Variants in COPG2 observed in about 807,000 individuals in gnomAD.
COPG2 encodes coat protein complex I subunit gamma 2.
In COPG2, 37 loss-of-function variants were observed where a neutral mutation model predicts 46.3. The observed-to-expected ratio is 0.80, with a 90% CI of 0.61 to 1.05. The LOEUF is 1.05. Among genes scored for constraint, COPG2 ranks in the 50% least tolerant of loss-of-function variants. The probability of loss-of-function intolerance (pLI) is 0.00; values close to 1 mark genes in which losing one functional copy is unlikely to be tolerated. For missense variants in COPG2, 427 were observed against 387.8 expected, an observed-to-expected ratio of 1.10 and a Z score of -0.85; for synonymous variants, 159 against 129.7, an observed-to-expected ratio of 1.23 and a Z score of -1.53.
At chr7:130,612,278 G>T in intron 7 of COPG2, 40 bp from the exon 8 acceptor site, 1 of 1,261,930 alleles carries the variant, frequency 7.9e-7, no homozygotes, top group South Asian at 1.5e-5. Context: ...AATAATGCTT[G>T]GTCACTAGAA....
At chr7:130,543,445 T>G (rs955929643) in intron 20 of COPG2, among the ~76,000 whole-genome samples, 2 of 152,210 alleles carry the variant, frequency 1.3e-5, no homozygotes, top group Admixed American at 1.3e-4. Context: ...AGGGAAACAC[T>G]TGATGAATGC....
At position 130,578,200 on chromosome 7, in the gene COPG2, G is replaced by A. The variant is rs1315253602; in HGVS notation, c.738-13807C>T. Among the ~76,000 whole-genome samples, 7 of 149,386 alleles carry A rather than the reference G, an allele frequency of 4.7e-5. No homozygotes were observed. In the South Asian group the frequency reaches 6.5e-4, roughly 14 times the overall value. On this transcript the variant is annotated intron_variant, in intron 9 of 23. Coordinates refer to ENST00000425248, the MANE Select transcript of COPG2 (RefSeq NM_012133.6). ...AGTGGGTCCCTGACCCCTGACCCCCGAGCAGCCTAACTGGGAGGCACCCCC... is the reference window on the plus strand; with the variant it reads ...AGTGGGTCCCTGACCCCTGACCCCCAAGCAGCCTAACTGGGAGGCACCCCC...
Position 130,540,244 on chromosome 7 carries a change from C to G in COPG2, c.2149+7430G>C, listed in dbSNP as rs1003173111. 2.6e-5 allele frequency among the ~76,000 whole-genome samples: 4 copies of G among 152,190 alleles called. No individual in the cohort carries two copies. In the South Asian group the frequency reaches 8.3e-4, roughly 32 times the overall value. Reference sequence around the variant, plus strand: ...TATCTAATGTTGCAGGTGATGAATACAGGCTGGGGTAGCCGTCTAAATCCA... The same window carrying G: ...TATCTAATGTTGCAGGTGATGAATAGAGGCTGGGGTAGCCGTCTAAATCCA... On this transcript the variant is annotated intron_variant, in intron 20 of 23. Coordinates refer to ENST00000425248, the MANE Select transcript of COPG2 (RefSeq NM_012133.6).
chr7:130,534,220 G>T (rs1416409570), intron 20 of COPG2, among the ~76,000 whole-genome samples: 3 of 152,116 alleles, frequency 2.0e-5, no homozygotes, highest in Non-Finnish European at 4.4e-5. Flanking sequence ...AAGTAACTGG[G>T]GTTACAGAGA....
intron 11 of COPG2, 136 bp from the exon 12 acceptor site, chr7:130,561,357 G>A (rs1793716133): frequency 1.0e-5 from 4 of 396,402 alleles, no homozygotes; most frequent in Non-Finnish European, 1.8e-5. Flanking sequence ...CAAAAAGAAT[G>A]GCTCCAGTTA....
chr7:130,528,698 AGAG>A (rs1799796975), intron 20 of COPG2, among the ~76,000 whole-genome samples: 1 of 151,038 alleles, frequency 6.6e-6, no homozygotes, highest in African/African-American at 2.4e-5. Flanking sequence ...AACACATGGG[AGAG>A]GAGGACAGAG....
intron 9 of COPG2, chr7:130,608,303 C>T: frequency 2.9e-6 from 1 of 349,824 alleles, no homozygotes. Context: ...TATATAAGCC[C>T]CATAATTTGC....
At chr7:130,515,903 T>C (rs1262577813) in intron 20 of COPG2, among the ~76,000 whole-genome samples, 1 of 151,828 alleles carries the variant, frequency 6.6e-6, no homozygotes, top group Non-Finnish European at 1.5e-5. Context: ...GCCACTCAAG[T>C]AGACAGAGGA....
chr7:130,577,618 G>C (rs1221724500), intron 9 of COPG2, among the ~76,000 whole-genome samples: 1 of 151,042 alleles, frequency 6.6e-6, no homozygotes, highest in Non-Finnish European at 1.5e-5. Flanking sequence ...AAAATTAGCC[G>C]GGCGCGGTGG....
chr7:130,598,824 G>A (rs1794579304), intron 9 of COPG2, among the ~76,000 whole-genome samples: 1 of 152,144 alleles, frequency 6.6e-6, no homozygotes, highest in African/African-American at 2.4e-5. Flanking sequence ...AGCCATCTGG[G>A]ACCCCATCAA....
chr7:130,544,085 C>T (rs1793390043), intron 20 of COPG2, among the ~76,000 whole-genome samples: 2 of 152,114 alleles, frequency 1.3e-5, no homozygotes, highest in African/African-American at 4.8e-5. Flanking sequence ...ATCAAATGTT[C>T]TACCAATACT....
At chr7:130,507,651 T>C in intron 22 of COPG2, 34 bp downstream of exon 22, 1 of 773,714 alleles carries the variant, frequency 1.3e-6, no homozygotes, top group Non-Finnish European at 2.4e-6. Context: ...TATACTGTTA[T>C]CAGGCAATAT....
chr7:130,542,411 G>T (rs1793347992), intron 20 of COPG2, among the ~76,000 whole-genome samples: 1 of 152,054 alleles, frequency 6.6e-6, no homozygotes. Context: ...CTGTTCCTTA[G>T]AGGCAGAACT....
chr7:130,512,073 A>T (rs1799605236), intron 20 of COPG2, among the ~76,000 whole-genome samples: 1 of 151,172 alleles, frequency 6.6e-6, no homozygotes, highest in Admixed American at 6.6e-5. Flanking sequence ...AAAAAAAAAA[A>T]AAAATACAAA....
At chr7:130,580,444 G>C in intron 9 of COPG2, among the ~76,000 whole-genome samples, 1 of 79,556 alleles carries the variant, frequency 1.3e-5, no homozygotes, top group East Asian at 4.7e-4. Context: ...AACTAGAAAA[G>C]CAAGAGCAAA....
intron 4 of COPG2, among the ~76,000 whole-genome samples, chr7:130,656,064 T>G (rs1795846462): frequency 6.6e-6 from 1 of 152,196 alleles, no homozygotes; most frequent in African/African-American, 2.4e-5. Context: ...GTAAATGATC[T>G]TTGTGCTCTT....
chr7:130,634,133 T>C (rs970119649), intron 5 of COPG2, among the ~76,000 whole-genome samples: 5 of 152,234 alleles, frequency 3.3e-5, no homozygotes, highest in Non-Finnish European at 7.3e-5. Flanking sequence ...CCTTGTAGTA[T>C]AGTTTGAAGT....
At chr7:130,623,665 T>C (rs1259401500) in intron 5 of COPG2, among the ~76,000 whole-genome samples, 1 of 152,112 alleles carries the variant, frequency 6.6e-6, no homozygotes, top group African/African-American at 2.4e-5. Context: ...GAATAAAATT[T>C]TTATAACATT....
At chr7:130,592,702 T>C (rs1254786332) in intron 9 of COPG2, among the ~76,000 whole-genome samples, 1 of 152,182 alleles carries the variant, frequency 6.6e-6, no homozygotes, top group Non-Finnish European at 1.5e-5. Context: ...TAACCGTGAA[T>C]GCTGACAAAG....
Sources: allele counts gnomAD v4.1 joint callset (sites outside exome capture counted in the v4.1 genomes callset), GRCh38; gene constraint gnomAD v4.1.1; transcripts MANE v1.5; gene names NCBI Gene and HGNC (gene_info 2026-07-23, HGNC 2026-07-21).